Variants in BRINP1 observed in about 807,000 individuals in gnomAD.
BRINP1 encodes the protein BMP/retinoic acid inducible neural specific 1, also known as BMP/retinoic acid-inducible neural-specific protein 1.
Under a neutral mutation model 72.9 loss-of-function variants are expected in BRINP1, and 17 were observed. The observed-to-expected ratio is 0.23, with a 90% CI of 0.16 to 0.35. The LOEUF (loss-of-function observed/expected upper bound fraction) is 0.35, where lower values mean the gene tolerates loss of function less well. Ranked by LOEUF, BRINP1 falls within the 10% of genes least tolerant of loss-of-function variation. The probability of loss-of-function intolerance (pLI) is 1.00; values close to 1 mark genes in which losing one functional copy is unlikely to be tolerated. For synonymous variants in BRINP1, 418 were observed against 378.5 expected, an observed-to-expected ratio of 1.10 and a Z score of -1.21; for missense variants, 850 against 1,001.6, an observed-to-expected ratio of 0.85 and a Z score of 2.04.
intron 3 of BRINP1, among the ~76,000 whole-genome samples, chr9:119,245,560 AT>A (rs1283310305): frequency 6.6e-6 from 1 of 152,088 alleles, no homozygotes; most frequent in Non-Finnish European, 1.5e-5. Context: ...CACATGATGT[AT>A]TTTATTAGTT....
chr9:119,241,911 A>T, intron 4 of BRINP1, 136 bp downstream of exon 4: 1 of 876,302 alleles, frequency 1.1e-6, no homozygotes, highest in Non-Finnish European at 1.8e-6. Context: ...TATCAGTCAA[A>T]GCAGCTGGCA....
intron 2 of BRINP1, among the ~76,000 whole-genome samples, chr9:119,309,928 A>G (rs146466219): frequency 4.6e-5 from 7 of 152,262 alleles, no homozygotes; most frequent in African/African-American, 9.6e-5. Flanking sequence ...TTCTAAAACA[A>G]TAAATGTATG....
At chr9:119,205,426 A>G (rs1044540595) in intron 7 of BRINP1, among the ~76,000 whole-genome samples, 3 of 152,150 alleles carry the variant, frequency 2.0e-5, no homozygotes, top group Non-Finnish European at 2.9e-5. Context: ...CTTTCTTTGA[A>G]GGTCCCATGA....
At chr9:119,267,570 A>C (rs913298499) in intron 2 of BRINP1, among the ~76,000 whole-genome samples, 74 of 151,660 alleles carry the variant, frequency 4.9e-4, no homozygotes, top group African/African-American at 1.6e-3. Flanking sequence ...CAGGAGGCAG[A>C]GGTTGCAGGG....
intron 3 of BRINP1, among the ~76,000 whole-genome samples, chr9:119,243,242 G>A (rs7861737): frequency 6.6e-6 from 1 of 152,026 alleles, no homozygotes; most frequent in African/African-American, 2.4e-5. Flanking sequence ...CCCAGTGTGT[G>A]TTGTTGCCCT....
chr9:119,323,045 C>A (rs1280278989), intron 1 of BRINP1, among the ~76,000 whole-genome samples: 1 of 152,106 alleles, frequency 6.6e-6, no homozygotes, highest in African/African-American at 2.4e-5. Flanking sequence ...AACTTCTTAC[C>A]CACATCACAG....
At chr9:119,269,888 T>C (rs536394743) in intron 2 of BRINP1, among the ~76,000 whole-genome samples, 10 of 152,182 alleles carry the variant, frequency 6.6e-5, no homozygotes, top group Non-Finnish European at 1.2e-4. Context: ...TCCTTCTTTA[T>C]GAGACTTCTA....
chr9:119,283,517 T>C (rs185962149), intron 2 of BRINP1, among the ~76,000 whole-genome samples: 193 of 152,278 alleles, frequency 1.3e-3, no homozygotes, highest in African/African-American at 4.3e-3. Flanking sequence ...AAATTCAACA[T>C]CAAACAACCT....
At chr9:119,290,417 G>A (rs965625563) in intron 2 of BRINP1, among the ~76,000 whole-genome samples, 13 of 152,326 alleles carry the variant, frequency 8.5e-5, no homozygotes, top group African/African-American at 2.6e-4. Context: ...ATGAAGAATA[G>A]TGTAGTGGCT....
intron 6 of BRINP1, 192 bp downstream of exon 6, chr9:119,213,727 A>T: frequency 1.5e-6 from 1 of 656,504 alleles, no homozygotes; most frequent in Non-Finnish European, 2.7e-6. Flanking sequence ...GCTATTCATT[A>T]ATTTTATTCA....
chr9:119,290,861 G>A (rs1044930975), intron 2 of BRINP1, among the ~76,000 whole-genome samples: 2 of 152,184 alleles, frequency 1.3e-5, no homozygotes, highest in Admixed American at 6.5e-5. Flanking sequence ...AGTGGCTCAC[G>A]CCTGTAATCC....
chr9:119,233,054 C>T (rs1830162565), intron 5 of BRINP1, among the ~76,000 whole-genome samples: 1 of 150,906 alleles, frequency 6.6e-6, no homozygotes, highest in South Asian at 2.1e-4. Flanking sequence ...TTACGTTTGC[C>T]TTGTTTTAAT....
At chr9:119,272,790 T>G (rs948717899) in intron 2 of BRINP1, among the ~76,000 whole-genome samples, 2 of 152,328 alleles carry the variant, frequency 1.3e-5, no homozygotes, top group African/African-American at 4.8e-5. Context: ...CATGGAAGTT[T>G]TTCCCGTACT....
chr9:119,189,574 C>T (rs773174347), intron 7 of BRINP1, among the ~76,000 whole-genome samples: 22 of 152,118 alleles, frequency 1.4e-4, no homozygotes, highest in African/African-American at 4.3e-4. Flanking sequence ...GAGAGAAAGA[C>T]GGTCATTGTA....
At chr9:119,213,251 G>T (rs553399464) in intron 6 of BRINP1, among the ~76,000 whole-genome samples, 6 of 152,160 alleles carry the variant, frequency 3.9e-5, no homozygotes, top group African/African-American at 1.4e-4. Flanking sequence ...CTAATCATTG[G>T]CATGGTTACA....
intron 2 of BRINP1, among the ~76,000 whole-genome samples, chr9:119,252,492 A>G (rs1830400392): frequency 6.6e-6 from 1 of 151,928 alleles, no homozygotes. Context: ...ATGAGGTTAT[A>G]TATATATATG....
chr9:119,168,952 T>C (rs1262771519), intron 7 of BRINP1, among the ~76,000 whole-genome samples: 1 of 152,136 alleles, frequency 6.6e-6, no homozygotes, highest in Non-Finnish European at 1.5e-5. Flanking sequence ...CAATGAGAAA[T>C]ACCATTTGAC....
At chr9:119,203,373 T>A (rs1328942013) in intron 7 of BRINP1, among the ~76,000 whole-genome samples, 1 of 152,186 alleles carries the variant, frequency 6.6e-6, no homozygotes, top group African/African-American at 2.4e-5. Context: ...GGCATGAGTA[T>A]TAGATAAAAA....
chr9:119,260,991 A>C (rs1028283331), intron 2 of BRINP1, among the ~76,000 whole-genome samples: 3 of 152,164 alleles, frequency 2.0e-5, no homozygotes, highest in African/African-American at 7.2e-5. Flanking sequence ...ACTAGGAATA[A>C]TTGACAGCAA....
Sources: allele counts gnomAD v4.1 joint callset (sites outside exome capture counted in the v4.1 genomes callset), GRCh38; gene constraint gnomAD v4.1.1; transcripts MANE v1.5; gene names NCBI Gene and HGNC (gene_info 2026-07-23, HGNC 2026-07-21).